ATG2B: variants seen among roughly 807,000 people sequenced by gnomAD.
ATG2B encodes the protein autophagy related 2B.
ATG2B carries 121 observed loss-of-function variants against 241.3 expected under a neutral mutation model. The ratio of observed to expected loss-of-function variants is 0.50; its 90% CI spans 0.43 to 0.58. The LOEUF (loss-of-function observed/expected upper bound fraction) is 0.58, where lower values mean the gene tolerates loss of function less well. ATG2B is among the 20% of genes least tolerant of loss of function. ATG2B has a pLI of 0.00. For synonymous variants in ATG2B, 858 were observed against 876.6 expected (o/e 0.98, Z 0.37); for missense variants, 2,306 against 2,491.6 (o/e 0.93, Z 1.59).
intron 21 of ATG2B, 88 bp from the exon 22 acceptor site, chr14:96,315,671 C>T (rs895806879): frequency 8.4e-6 from 8 of 954,190 alleles, no homozygotes; most frequent in South Asian, 4.7e-5. Context: ...CAAAAATCCA[C>T]GTACTTCCAC....
chr14:96,292,647 G>A (rs80020568), intron 36 of ATG2B, among the ~76,000 whole-genome samples: 6,583 of 152,268 alleles, frequency 0.043, 357 homozygotes, highest in East Asian at 0.23. Context: ...TGAACTCTCT[G>A]CTGCTCAGTC....
At chr14:96,337,078 T>A (rs572981490) in intron 6 of ATG2B, among the ~76,000 whole-genome samples, 23 of 152,318 alleles carry the variant, frequency 1.5e-4, no homozygotes, top group African/African-American at 5.5e-4. Flanking sequence ...GGCTCCCTCT[T>A]CTGTGTCCCC....
In ATG2B at chr14:96,313,344, C is replaced by T; in HGVS notation, c.3734G>A (p.Cys1245Tyr). The change falls in exon 24 of 42, where the codon TGT becomes TAT. Residue 1245 changes from cysteine (C) to tyrosine (Y), a missense_variant. Cys to Tyr is a radical substitution (Grantham distance 194, BLOSUM62 -2). This residue lies in a region of ATG2B where 1,927 missense variants were observed against 2,011.2 expected (regional missense o/e 0.96). Coordinates refer to ENST00000359933, the MANE Select transcript of ATG2B (RefSeq NM_018036.7). ...FTTFHVHLWS[C>Y]ALDYRPLYLP... ...GTGAACTTACCTATAATCAAGTGCA[C>T]AGCTCCAAAGATGAACATGAAAAGT... The T allele has an allele frequency of 6.3e-7, 1 of 1,586,446 alleles. No individual in the cohort carries two copies. The highest frequency in any genetic ancestry group is 8.5e-7 in the Non-Finnish European group (1 of 1,170,810).
chr14:96,285,783 G>C lies in ATG2B; in HGVS notation c.6209C>G (p.Ser2070Ter). The C allele has an allele frequency of 6.2e-7, 1 of 1,613,972 alleles. No individual in the cohort carries two copies. Among genetic ancestry groups the C allele is most frequent in the Non-Finnish European group, 8.5e-7 (1 of 1,180,018 alleles). ...GTCATCCCCGTGGCGCCATTTCTGTGACTCGTCTTGCCGGACATCTGGCCT... is the reference window on the plus strand; with the variant it reads ...GTCATCCCCGTGGCGCCATTTCTGTCACTCGTCTTGCCGGACATCTGGCCT... ...QIRPDVRQDE[S>*]QKWRHGDD is the part of the protein sequence containing the mutation. The change falls in exon 42 of 42, where the codon TCA (serine) becomes TGA (stop). Residue 2070 changes from serine to a stop codon, truncating the protein, a stop_gained. Coordinates refer to ENST00000359933, the MANE Select transcript of ATG2B (RefSeq NM_018036.7). LOFTEE classifies it high-confidence loss of function. This position sits in a 1 kb window ranked among gnomAD's most constrained non-coding sequence, Gnocchi z 4.2.
chr14:96,330,230 G>A (rs1179460617), intron 11 of ATG2B, among the ~76,000 whole-genome samples: 1 of 151,684 alleles, frequency 6.6e-6, no homozygotes, highest in Non-Finnish European at 1.5e-5. Context: ...AAAACAAAAT[G>A]TTTTTACAGT....
At chr14:96,317,487 A>C (rs1156751734) in intron 19 of ATG2B, among the ~76,000 whole-genome samples, 170 bp from the exon 20 acceptor site, 3 of 152,234 alleles carry the variant, frequency 2.0e-5, no homozygotes, top group African/African-American at 7.2e-5. Context: ...CAATGTGCAC[A>C]CTATCATTCT....
Position 96,333,748 on chromosome 14 carries a change from C to A in ATG2B, c.1147G>T (p.Gly383Cys), listed in dbSNP as rs1486262323. 19 of 1,613,642 alleles carry A rather than the reference C, an allele frequency of 1.2e-5. No homozygotes were observed. Among genetic ancestry groups the A allele is most frequent in the South Asian group, 2.2e-5 (2 of 91,064 alleles). ...YYLRKDSLSV[G>C]VSSEQSFYET... ...TAAAAGCTTTGCTCTGAAGATACACCCACAGAGAGGGAATCTTTTCTCAAA... is the reference window on the plus strand; with the variant it reads ...TAAAAGCTTTGCTCTGAAGATACACACACAGAGAGGGAATCTTTTCTCAAA... The change falls in exon 8 of 42, where the codon GGT (glycine) becomes TGT (cysteine). Residue 383 changes from glycine to cysteine, a missense_variant. Transcript: ENST00000359933.
intron 12 of ATG2B, 43 bp downstream of exon 12, chr14:96,329,441 A>G: frequency 7.2e-7 from 1 of 1,391,392 alleles, no homozygotes; most frequent in Non-Finnish European, 9.8e-7. Flanking sequence ...AAAGCAAGGT[A>G]GATTTAAAAA....
intron 1 of ATG2B, among the ~76,000 whole-genome samples, chr14:96,359,136 C>A (rs932599433): frequency 2.0e-5 from 3 of 151,934 alleles, no homozygotes; most frequent in African/African-American, 7.3e-5. Flanking sequence ...CTTTGGGAGG[C>A]CGACATGGGC....
intron 8 of ATG2B, 106 bp downstream of exon 8, chr14:96,333,582 T>G: frequency 9.6e-7 from 1 of 1,042,222 alleles, no homozygotes; most frequent in Non-Finnish European, 1.4e-6. Flanking sequence ...TGTGGATCTT[T>G]TTGTTCTTTC....
rs370875997 is a variant in ATG2B at position 96,309,439 on chromosome 14, A to G, written c.4303+14T>C. ...ATTAACATCAGTGCTCCCTGAGAAGAGTCCTGGTCTTACCATTAGCCTGTG... is the reference window on the plus strand; with the variant it reads ...ATTAACATCAGTGCTCCCTGAGAAGGGTCCTGGTCTTACCATTAGCCTGTG... On this transcript the variant is annotated intron_variant, in intron 29 of 41. Transcript: ENST00000359933. 2.8e-5 allele frequency: 45 copies of G among 1,602,700 alleles called. 1 individual carries two copies. The Middle Eastern group carries it at 6.7e-4, about 24-fold the overall frequency.
intron 13 of ATG2B, 51 bp from the exon 14 acceptor site, chr14:96,328,586 A>C (rs549284876): frequency 1.3e-6 from 2 of 1,558,996 alleles, no homozygotes; most frequent in East Asian, 4.5e-5. Context: ...AAAAACTACT[A>C]TATAATTGGG....
chr14:96,306,205 T>C (rs1181856075), intron 30 of ATG2B, among the ~76,000 whole-genome samples: 2 of 152,232 alleles, frequency 1.3e-5, no homozygotes, highest in Non-Finnish European at 2.9e-5. Flanking sequence ...ATCCTGAGTT[T>C]GATTGTTTGG....
chr14:96,313,706 T>C (rs1482946098), intron 23 of ATG2B, among the ~76,000 whole-genome samples: 2 of 152,140 alleles, frequency 1.3e-5, no homozygotes, highest in Non-Finnish European at 2.9e-5. Flanking sequence ...ATTCACCTTA[T>C]ATATAATAAA....
At chr14:96,352,274 C>T (rs1396893607) in intron 1 of ATG2B, among the ~76,000 whole-genome samples, 2 of 152,128 alleles carry the variant, frequency 1.3e-5, no homozygotes, top group African/African-American at 2.4e-5. Context: ...AACAGTTATA[C>T]ACAGTACATA....
chr14:96,362,115 G>C (rs1888651708), intron 1 of ATG2B, among the ~76,000 whole-genome samples: 3 of 152,104 alleles, frequency 2.0e-5, no homozygotes, highest in African/African-American at 7.2e-5. Context: ...GTAGAAGGCA[G>C]GTTTTAAAAT....
At position 96,328,301 on chromosome 14, in the gene ATG2B, A is replaced by C. The variant is rs112946669; in HGVS notation, c.2163+46T>G. ...CAGAAATTATCTCAATAACCCTATT[A>C]GCTAACCATAATTATGATTAGTATT... On this transcript the variant is annotated intron_variant, in intron 14 of 41. Coordinates refer to ENST00000359933, the MANE Select transcript of ATG2B (RefSeq NM_018036.7). 1,563 of 1,351,438 alleles carry C rather than the reference A, an allele frequency of 1.2e-3. 17 individuals are homozygous for C. In the African/African-American group the frequency reaches 0.02, roughly 17 times the overall value. The allele number at this position is 1,351,438 out of a possible 1,614,324, so 83.7% of individuals were successfully genotyped here.
chr14:96,359,243 G>A (rs1166301096), intron 1 of ATG2B, among the ~76,000 whole-genome samples: 2 of 152,042 alleles, frequency 1.3e-5, no homozygotes, highest in African/African-American at 4.8e-5. Flanking sequence ...GTGGTGGCAT[G>A]CACCTGTAGT....
At chr14:96,299,990 G>A (rs1442811954) in intron 34 of ATG2B, among the ~76,000 whole-genome samples, 1 of 152,104 alleles carries the variant, frequency 6.6e-6, no homozygotes, top group African/African-American at 2.4e-5. Context: ...TAAAAGAGGC[G>A]AACTGAAAAG....
Sources: gnomAD v4.1 joint callset for allele counts (sites outside exome capture counted in the v4.1 genomes callset) on GRCh38, gnomAD v4.1.1 for gene constraint, gnomAD v4.1.1 regional missense constraint, Gnocchi (gnomAD v3.1) non-coding constraint, MANE v1.5 for transcripts, NCBI Gene and HGNC (gene_info 2026-07-23, HGNC 2026-07-21) for gene names.